Variants in SORCS1 observed in about 807,000 individuals in gnomAD.
SORCS1 encodes VPS10 domain-containing receptor SorCS1.
SORCS1 carries 60 observed loss-of-function variants against 146.1 expected under a neutral mutation model. The ratio of observed to expected loss-of-function variants is 0.41; its 90% CI spans 0.33 to 0.51. The LOEUF (loss-of-function observed/expected upper bound fraction) is 0.51. Ranked by LOEUF, SORCS1 falls within the 20% of genes least tolerant of loss-of-function variation. The probability of loss-of-function intolerance (pLI) is 0.21; values close to 1 mark genes in which losing one functional copy is unlikely to be tolerated. For synonymous variants in SORCS1, 637 were observed against 584.0 expected (o/e 1.09, Z -1.31); for missense variants, 1,352 against 1,487.6 (o/e 0.91, Z 1.50).
At chr10:107,020,358 G>C (rs1210498786) in intron 1 of SORCS1, among the ~76,000 whole-genome samples, 1 of 152,172 alleles carries the variant, frequency 6.6e-6, no homozygotes, top group African/African-American at 2.4e-5. Context: ...ATACCCAAAA[G>C]TGTTATCTGG....
intron 2 of SORCS1, among the ~76,000 whole-genome samples, chr10:106,894,256 C>T (rs201775669): frequency 2.2e-4 from 31 of 142,372 alleles, no homozygotes; most frequent in South Asian, 2.1e-3. Flanking sequence ...TGTGTGTGCG[C>T]GCGCGCACGT....
chr10:107,173,909 T>G, the SORCS1 span, among the ~76,000 whole-genome samples: 1 of 152,196 alleles, frequency 6.6e-6, no homozygotes, highest in South Asian at 2.1e-4. Context: ...TTTGTCAAAT[T>G]TTGTGCTAAC....
intron 5 of SORCS1, among the ~76,000 whole-genome samples, chr10:106,751,963 A>AAT: frequency 6.6e-6 from 1 of 152,192 alleles, no homozygotes; most frequent in Non-Finnish European, 1.5e-5. Context: ...ACAATAAAGA[A>AAT]ATATATATGG....
chr10:106,842,772 C>A (rs138668009), intron 2 of SORCS1, among the ~76,000 whole-genome samples: 7 of 151,554 alleles, frequency 4.6e-5, no homozygotes, highest in African/African-American at 1.7e-4. Context: ...TGTCACCATG[C>A]CCGGCTAATT....
intron 1 of SORCS1, among the ~76,000 whole-genome samples, chr10:107,021,318 C>T (rs903774084): frequency 4.0e-5 from 6 of 151,800 alleles, no homozygotes; most frequent in African/African-American, 1.5e-4. Flanking sequence ...CGAGACCATC[C>T]TGGTTAACAT....
chr10:106,795,741 A>G (rs961873766), intron 3 of SORCS1, among the ~76,000 whole-genome samples: 4 of 152,204 alleles, frequency 2.6e-5, no homozygotes, highest in African/African-American at 9.6e-5. Flanking sequence ...CTACAACTCT[A>G]GAATTAAGAA....
At chr10:106,680,910 A>G (rs1852389653) in intron 10 of SORCS1, among the ~76,000 whole-genome samples, 1 of 152,250 alleles carries the variant, frequency 6.6e-6, no homozygotes, top group East Asian at 1.9e-4. Context: ...AATGAAACTC[A>G]GGAATAAAAA....
chr10:106,881,142 A>G (rs933626076), intron 2 of SORCS1, among the ~76,000 whole-genome samples: 28 of 151,840 alleles, frequency 1.8e-4, no homozygotes, highest in Non-Finnish European at 2.8e-4. Context: ...AAGAGCAATG[A>G]CTTTAGAACA....
At chr10:106,973,568 G>A (rs1006358537) in intron 1 of SORCS1, among the ~76,000 whole-genome samples, 1 of 152,154 alleles carries the variant, frequency 6.6e-6, no homozygotes, top group Non-Finnish European at 1.5e-5. Context: ...GAGCCCCTGG[G>A]GGCAGGAGAG....
intron 4 of SORCS1, among the ~76,000 whole-genome samples, chr10:106,770,379 C>A (rs1859926729): frequency 6.6e-6 from 1 of 151,988 alleles, no homozygotes; most frequent in Non-Finnish European, 1.5e-5. Flanking sequence ...TATTCTAGAA[C>A]TGCCACAAAA....
chr10:107,022,172 A>G (rs1564936316), intron 1 of SORCS1, among the ~76,000 whole-genome samples: 1 of 152,074 alleles, frequency 6.6e-6, no homozygotes, highest in Non-Finnish European at 1.5e-5. Flanking sequence ...TTCTTGGCAT[A>G]CCCTCTGCCA....
chr10:106,948,871 G>A (rs1954512551), intron 2 of SORCS1, among the ~76,000 whole-genome samples: 1 of 152,028 alleles, frequency 6.6e-6, no homozygotes. Context: ...TGAGGCAGGA[G>A]AATGGCATGA....
At chr10:107,156,742 C>T (rs1447995916) in intron 1 of SORCS1, among the ~76,000 whole-genome samples, 2 of 152,160 alleles carry the variant, frequency 1.3e-5, no homozygotes, top group African/African-American at 2.4e-5. Context: ...TATGGGAAGA[C>T]GTAGTGAGAC....
At chr10:106,606,794 T>G (rs1846625876) in intron 23 of SORCS1, among the ~76,000 whole-genome samples, 1 of 152,172 alleles carries the variant, frequency 6.6e-6, no homozygotes, top group Non-Finnish European at 1.5e-5. Context: ...CCCACGATAG[T>G]GAGTTCTCAC....
In SORCS1 at chr10:107,117,715, T is replaced by C. The variant is rs551365180; in HGVS notation, c.558+46254A>G. Among the ~76,000 whole-genome samples the C allele has an allele frequency of 5.9e-5, 9 of 152,316 alleles. No homozygotes were observed. In the South Asian group the frequency reaches 1.9e-3, roughly 32 times the overall value. The stretch of plus-strand genomic sequence containing the variant: ...CTTACTTGGCCTCTGTTACTCCCTT[T>C]CTTCTTTCTTATTTCTCCCTTTTGA... On this transcript the variant is annotated intron_variant, in intron 1 of 25. Coordinates refer to ENST00000263054, the MANE Select transcript of SORCS1 (RefSeq NM_052918.5).
chr10:106,976,214 T>G (rs1397861016), intron 1 of SORCS1, among the ~76,000 whole-genome samples: 6 of 150,168 alleles, frequency 4.0e-5, no homozygotes, highest in Non-Finnish European at 5.9e-5. Flanking sequence ...TTCATCTGTT[T>G]TTTTTTTTTT....
At chr10:107,105,808 A>T (rs1326686747) in intron 1 of SORCS1, among the ~76,000 whole-genome samples, 1 of 152,202 alleles carries the variant, frequency 6.6e-6, no homozygotes, top group Admixed American at 6.5e-5. Context: ...CACACCCAGG[A>T]ACAATACTTT....
At chr10:106,800,220 C>G (rs1239416555) in intron 3 of SORCS1, among the ~76,000 whole-genome samples, 2 of 152,090 alleles carry the variant, frequency 1.3e-5, no homozygotes, top group African/African-American at 2.4e-5. Context: ...TAATAATAAT[C>G]TATTAATAAA....
At chr10:106,910,021 T>C (rs1952072520) in intron 2 of SORCS1, among the ~76,000 whole-genome samples, 3 of 152,218 alleles carry the variant, frequency 2.0e-5, no homozygotes, top group African/African-American at 7.2e-5. Context: ...CATACTGGAA[T>C]TTAATAGCCA....
Sources: allele counts gnomAD v4.1 joint callset (sites outside exome capture counted in the v4.1 genomes callset), GRCh38; gene constraint gnomAD v4.1.1; transcripts MANE v1.5; gene names NCBI Gene and HGNC (gene_info 2026-07-23, HGNC 2026-07-21).